LCP1: variants seen among roughly 807,000 people sequenced by gnomAD.
LCP1 encodes the protein plastin-2.
A neutral mutation model predicts 72.0 loss-of-function variants in LCP1; 23 were observed. The observed-to-expected ratio is 0.32, with a 90% CI of 0.23 to 0.45. The LOEUF is 0.45. Among genes scored for constraint, LCP1 ranks in the 20% least tolerant of loss-of-function variants. LCP1 has a pLI of 1.00. For missense variants in LCP1, 571 were observed against 748.3 expected (o/e 0.76, Z 2.76); for synonymous variants, 245 against 275.4 (o/e 0.89, Z 1.09).
At chr13:46,143,268 C>A in intron 12 of LCP1, 22 bp downstream of exon 12, 1 of 1,551,896 alleles carries the variant, frequency 6.4e-7, no homozygotes, top group Non-Finnish European at 8.9e-7. Flanking sequence ...TCTCCTGGAA[C>A]AACAGAACCA....
rs1348127349 is a variant in LCP1 at position 46,126,205 on chromosome 13, T to C, written c.*1386A>G. ...TGAAAAATGGCTAAGTTCCATTACA[T>C]ACCACCACTAAAGAAGATACCTCAT... On this transcript the variant is annotated 3_prime_UTR_variant, in exon 16 of 16. Coordinates refer to ENST00000323076, the MANE Select transcript of LCP1 (RefSeq NM_002298.5). The C allele has an allele frequency of 4.5e-6, 1 of 223,974 alleles. No individual in the cohort carries two copies. Among genetic ancestry groups the C allele is most frequent in the Non-Finnish European group, 8.9e-6 (1 of 112,208 alleles). 13.9% of individuals were successfully genotyped at this position (223,974 alleles called of 1,614,324 possible).
Position 46,126,301 on chromosome 13 carries a change from C to T in LCP1, c.*1290G>A. 8.7e-6 allele frequency: 2 copies of T among 229,458 alleles called. No homozygotes were observed. The highest frequency in any genetic ancestry group is 2.2e-5 in the African/African-American group (1 of 45,238). 14.2% of individuals were successfully genotyped at this position (229,458 alleles called of 1,614,324 possible). On this transcript the variant is annotated 3_prime_UTR_variant, in exon 16 of 16. Transcript: ENST00000323076. Reference sequence around the variant, plus strand: ...CAATGGCCTGTTGCTTTTTAGCCTTCAGTTGGTTTAGGGGGAAATTGCTCA... The same window carrying T: ...CAATGGCCTGTTGCTTTTTAGCCTTTAGTTGGTTTAGGGGGAAATTGCTCA...
intron 1 of LCP1, among the ~76,000 whole-genome samples, chr13:46,173,431 G>A (rs1438272130): frequency 6.6e-6 from 1 of 152,116 alleles, no homozygotes; most frequent in Admixed American, 6.5e-5. Flanking sequence ...AGGAAGAGAG[G>A]AAGGAAAGAA....
chr13:46,140,008 C>G (rs1394865550), intron 13 of LCP1, among the ~76,000 whole-genome samples: 1 of 152,082 alleles, frequency 6.6e-6, no homozygotes, highest in Admixed American at 6.5e-5. Context: ...AAGAAGAAAA[C>G]AAAGTTAGCC....
intron 1 of LCP1, among the ~76,000 whole-genome samples, chr13:46,171,800 A>C (rs9567630): frequency 0.18 from 27,630 of 152,272 alleles, 2,703 homozygotes; most frequent in East Asian, 0.33. Flanking sequence ...TATGAACAAC[A>C]CAGGTTTCAA....
intron 4 of LCP1, among the ~76,000 whole-genome samples, chr13:46,156,928 C>T (rs1048253305): frequency 2.0e-5 from 3 of 150,998 alleles, no homozygotes; most frequent in African/African-American, 7.3e-5. Context: ...TCACGCCATT[C>T]TCCTGCCTCA....
chr13:46,174,964 C>T (rs2045922111), intron 1 of LCP1, among the ~76,000 whole-genome samples: 1 of 151,470 alleles, frequency 6.6e-6, no homozygotes, highest in Non-Finnish European at 1.5e-5. Flanking sequence ...TTAGAAGATA[C>T]AAAACAGTTT....
At chr13:46,166,153 TG>T (rs200122918) in intron 1 of LCP1, among the ~76,000 whole-genome samples, 2,254 of 152,314 alleles carry the variant, frequency 0.015, 34 homozygotes, top group Non-Finnish European at 0.023. Flanking sequence ...AAACAATTTG[TG>T]GGAGTTTACT....
At chr13:46,133,960 T>C (rs890551280) in intron 14 of LCP1, among the ~76,000 whole-genome samples, 167 bp downstream of exon 14, 2 of 152,192 alleles carry the variant, frequency 1.3e-5, no homozygotes, top group Non-Finnish European at 2.9e-5. Context: ...AATTCATTAA[T>C]GAAATGGCTG....
At chr13:46,143,706 A>G (rs2045712096) in intron 11 of LCP1, among the ~76,000 whole-genome samples, 1 of 152,222 alleles carries the variant, frequency 6.6e-6, no homozygotes, top group Admixed American at 6.5e-5. Flanking sequence ...CAATTAACCT[A>G]TATAACAAAC....
intron 1 of LCP1, among the ~76,000 whole-genome samples, chr13:46,174,489 T>C (rs1390104105): frequency 6.6e-6 from 1 of 152,220 alleles, no homozygotes; most frequent in South Asian, 2.1e-4. Flanking sequence ...ATTTCTCAAA[T>C]ATGTTTGGTA....
chr13:46,164,776 CATAA>C (rs1185971444), intron 1 of LCP1, among the ~76,000 whole-genome samples: 1 of 152,158 alleles, frequency 6.6e-6, no homozygotes, highest in African/African-American at 2.4e-5. Flanking sequence ...GAAGGAACCT[CATAA>C]ATAATTTATT....
chr13:46,150,310 T>C (rs941711085), intron 8 of LCP1, among the ~76,000 whole-genome samples: 1 of 152,232 alleles, frequency 6.6e-6, no homozygotes, highest in African/African-American at 2.4e-5. Flanking sequence ...TCATTGCCAA[T>C]AGCTGTTTTC....
chr13:46,128,457 G>T (rs1208050130), intron 15 of LCP1, among the ~76,000 whole-genome samples: 1 of 152,092 alleles, frequency 6.6e-6, no homozygotes, highest in East Asian at 1.9e-4. Flanking sequence ...AATTAGCCAG[G>T]CGTGGTGGCG....
At chr13:46,154,308 T>C (rs1180142831) in intron 6 of LCP1, among the ~76,000 whole-genome samples, 3 of 152,216 alleles carry the variant, frequency 2.0e-5, no homozygotes, top group Admixed American at 6.5e-5. Flanking sequence ...TGTTAAAATA[T>C]TGGAACACAA....
intron 1 of LCP1, among the ~76,000 whole-genome samples, chr13:46,164,950 T>TA (rs1449817240): frequency 6.6e-6 from 1 of 152,188 alleles, no homozygotes; most frequent in Non-Finnish European, 1.5e-5. Context: ...AAAGGGCCCC[T>TA]AAGGTCCATA....
chr13:46,153,327 T>G (rs1243468638), intron 6 of LCP1: 1 of 156,484 alleles, frequency 6.4e-6, no homozygotes, highest in Non-Finnish European at 1.4e-5. Context: ...CTGGCCATCA[T>G]GAATAAGACA....
rs1473615614 is a variant in LCP1 at position 46,148,438 on chromosome 13, C to A, written c.892G>T (p.Ala298Ser). 1.2e-6 allele frequency: 2 copies of A among 1,605,174 alleles called. No individual in the cohort carries two copies. Among genetic ancestry groups the A allele is most frequent in the South Asian group, 2.2e-5 (2 of 90,788 alleles). The change falls in exon 9 of 16, where the codon GCT (alanine) becomes TCT (serine). Residue 298 changes from alanine to serine, a missense_variant. Ala to Ser is a moderately conservative substitution (Grantham distance 99). Coordinates refer to ENST00000323076, the MANE Select transcript of LCP1 (RefSeq NM_002298.5). ...ACCTGCTCAAGCAGGTGGTAATAAG[C>A]TTTTGAGTCCTGTGAGAAATTAAGA... ...NFSTDIKDSK[A>S]YYHLLEQVAP...
At chr13:46,180,864 C>T (rs368897859) in intron 1 of LCP1, among the ~76,000 whole-genome samples, 17 of 152,064 alleles carry the variant, frequency 1.1e-4, no homozygotes, top group South Asian at 8.3e-4. Flanking sequence ...TGTTCTTTTA[C>T]GGGGTTCAAG....
Sources: gnomAD v4.1 joint callset for allele counts (sites outside exome capture counted in the v4.1 genomes callset) on GRCh38, gnomAD v4.1.1 for gene constraint, MANE v1.5 for transcripts, NCBI Gene and HGNC (gene_info 2026-07-23, HGNC 2026-07-21) for gene names.